The following CFAP299 variants were observed in gnomAD, a reference collection of about 807,000 sequenced individuals.
The protein encoded by CFAP299 is cilia and flagella associated protein 299.
CFAP299 carries 21 observed loss-of-function variants against 27.0 expected under a neutral mutation model. The observed-to-expected ratio is 0.78, with a 90% CI of 0.55 to 1.12. The LOEUF is 1.12. Ranked by LOEUF, CFAP299 falls within the 50% of genes most tolerant of loss-of-function variation. The pLI is 0.00. For missense variants in CFAP299, 310 were observed against 276.6 expected, an observed-to-expected ratio of 1.12 and a Z score of -0.86; for synonymous variants, 104 against 98.1, an observed-to-expected ratio of 1.06 and a Z score of -0.36.
At chr4:80,418,575 T>G (rs1727133743) in intron 2 of CFAP299, among the ~76,000 whole-genome samples, 1 of 152,202 alleles carries the variant, frequency 6.6e-6, no homozygotes, top group African/African-American at 2.4e-5. Flanking sequence ...GTGCAATTGA[T>G]CTAAAAACAA....
the CFAP299 span, among the ~76,000 whole-genome samples, chr4:80,322,085 C>T: frequency 6.6e-6 from 1 of 152,136 alleles, no homozygotes; most frequent in Admixed American, 6.5e-5. Flanking sequence ...TGGGCTGGGG[C>T]AATTGTGACT....
At chr4:80,860,009 C>T (rs1732214741) in intron 3 of CFAP299, among the ~76,000 whole-genome samples, 2 of 152,128 alleles carry the variant, frequency 1.3e-5, no homozygotes, top group Middle Eastern at 3.2e-3. Flanking sequence ...AGAGTGTTTT[C>T]CAACTTGGTT....
At chr4:80,853,296 G>A (rs1731634015) in intron 3 of CFAP299, among the ~76,000 whole-genome samples, 1 of 152,178 alleles carries the variant, frequency 6.6e-6, no homozygotes, top group South Asian at 2.1e-4. Context: ...CTCCCAAAGT[G>A]CTGGGATTAC....
chr4:80,687,729 G>C (rs778833992), intron 3 of CFAP299, among the ~76,000 whole-genome samples: 2 of 152,208 alleles, frequency 1.3e-5, no homozygotes, highest in African/African-American at 2.4e-5. Context: ...AGCTCCCAGC[G>C]TGAGCGACGC....
chr4:80,943,269 C>T (rs566972343), intron 4 of CFAP299, among the ~76,000 whole-genome samples: 232 of 152,112 alleles, frequency 1.5e-3, no homozygotes, highest in African/African-American at 4.8e-3. Flanking sequence ...CTCACTGATA[C>T]GCCCCCCTCC....
chr4:80,354,994 G>A (rs1342914011), intron 1 of CFAP299, among the ~76,000 whole-genome samples: 1 of 152,122 alleles, frequency 6.6e-6, no homozygotes, highest in Non-Finnish European at 1.5e-5. Context: ...ACATGTGCAT[G>A]TATATTTATA....
chr4:80,539,963 G>A (rs1183330235), intron 2 of CFAP299, among the ~76,000 whole-genome samples: 5 of 152,166 alleles, frequency 3.3e-5, no homozygotes, highest in Admixed American at 1.3e-4. Context: ...AGCTCCTGGG[G>A]CCAGCAGGAG....
the CFAP299 span, among the ~76,000 whole-genome samples, chr4:80,322,384 C>T: frequency 6.6e-6 from 1 of 152,192 alleles, no homozygotes; most frequent in Non-Finnish European, 1.5e-5. Flanking sequence ...TCTGGTGGGA[C>T]TCAGTCTTGA....
chr4:80,899,296 G>A (rs373901848), intron 4 of CFAP299, among the ~76,000 whole-genome samples: 4 of 152,296 alleles, frequency 2.6e-5, no homozygotes, highest in African/African-American at 9.6e-5. Context: ...GATATGAGAG[G>A]TCTGTAGATA....
chr4:80,695,169 C>T (rs1721007664), intron 3 of CFAP299, among the ~76,000 whole-genome samples: 1 of 152,148 alleles, frequency 6.6e-6, no homozygotes, highest in South Asian at 2.1e-4. Context: ...GTCCACATCT[C>T]ATCCTTCATT....
chr4:80,591,080 G>T (rs1172404597), intron 3 of CFAP299, among the ~76,000 whole-genome samples: 2 of 140,670 alleles, frequency 1.4e-5, no homozygotes, highest in East Asian at 4.4e-4. Context: ...ATGGAAGCAA[G>T]AAACAGATTA....
intron 3 of CFAP299, among the ~76,000 whole-genome samples, chr4:80,800,267 A>AAATATATATAATATATAATATATT (rs1176895169): frequency 1.3e-4 from 9 of 71,536 alleles, no homozygotes; most frequent in Admixed American, 5.4e-4. Context: ...TATATAAATA[A>AAATATATATAATATATAATATATT]AATATATATA....
intron 3 of CFAP299, among the ~76,000 whole-genome samples, chr4:80,800,498 AATATATTATAT>A (rs1728441865): frequency 4.3e-4 from 1 of 2,314 alleles, no homozygotes; most frequent in Non-Finnish European, 1.1e-3. Flanking sequence ...TATAATATAT[AATATATTATAT>A]AATATATAAT....
At chr4:80,832,295 A>T (rs1020851376) in intron 3 of CFAP299, among the ~76,000 whole-genome samples, 3 of 152,138 alleles carry the variant, frequency 2.0e-5, no homozygotes, top group Non-Finnish European at 2.9e-5. Context: ...AGGTATTATA[A>T]CCCAAGGAAG....
At chr4:80,600,458 T>G (rs533025347) in intron 3 of CFAP299, among the ~76,000 whole-genome samples, 2 of 152,256 alleles carry the variant, frequency 1.3e-5, no homozygotes, top group South Asian at 4.1e-4. Flanking sequence ...TAGGTCTGTT[T>G]TCTCTTTTGA....
chr4:80,916,522 G>A (rs893827365), intron 4 of CFAP299, among the ~76,000 whole-genome samples: 1 of 151,588 alleles, frequency 6.6e-6, no homozygotes, highest in Non-Finnish European at 1.5e-5. Flanking sequence ...TCAAGCATAG[G>A]TCTAAGTTGC....
intron 2 of CFAP299, among the ~76,000 whole-genome samples, chr4:80,554,746 A>G (rs1397195558): frequency 6.6e-6 from 1 of 151,602 alleles, no homozygotes; most frequent in East Asian, 2.0e-4. Context: ...TAGATATTTT[A>G]TTTTTTGTGT....
chr4:80,570,059 G>C (rs541498524), intron 2 of CFAP299, among the ~76,000 whole-genome samples: 2 of 152,108 alleles, frequency 1.3e-5, no homozygotes, highest in Non-Finnish European at 2.9e-5. Flanking sequence ...GTCATTGACA[G>C]TGTGATATTG....
intron 3 of CFAP299, among the ~76,000 whole-genome samples, chr4:80,592,773 G>C (rs1463761377): frequency 6.6e-6 from 1 of 152,270 alleles, no homozygotes; most frequent in East Asian, 1.9e-4. Context: ...TTGTAATTTA[G>C]TGTTTTTGCT....
Sources: allele counts gnomAD v4.1 joint callset (sites outside exome capture counted in the v4.1 genomes callset), GRCh38; gene constraint gnomAD v4.1.1; transcripts MANE v1.5; gene names NCBI Gene and HGNC (gene_info 2026-07-23, HGNC 2026-07-21).